Variants in CDHR1 observed in about 807,000 individuals in gnomAD.
CDHR1 encodes cadherin related family member 1.
A neutral mutation model predicts 72.1 loss-of-function variants in CDHR1; 61 were observed. The ratio of observed to expected loss-of-function variants is 0.85; its 90% confidence interval spans 0.69 to 1.05. The LOEUF (loss-of-function observed/expected upper bound fraction) is 1.05, where lower values mean the gene tolerates loss of function less well. CDHR1 is among the 50% of genes least tolerant of loss of function. The probability of loss-of-function intolerance (pLI) is 0.00; values close to 1 mark genes in which losing one functional copy is unlikely to be tolerated. For missense variants in CDHR1, 1,186 were observed against 1,115.7 expected (o/e 1.06, Z -0.90); for synonymous variants, 470 against 448.1 (o/e 1.05, Z -0.62).
chr10:84,216,088 T>A lies in CDHR1; in HGVS notation c.*1467T>A, dbSNP rs4933979. The A allele has an allele frequency of 1.2e-3, 1,158 of 985,408 alleles. 1 individual carries two copies. Among genetic ancestry groups the A allele is most frequent in the Admixed American group, 1.8e-3 (29 of 16,282 alleles). The allele number at this position is 985,408 out of a possible 1,614,324, so 61.0% of individuals were successfully genotyped here. A position where few individuals can be genotyped will look rare whatever the true frequency, so the allele number is the denominator to read the frequency against. ...GGCCTCTGGGGTTAATACAAATAGG[T>A]TGTGCCCTGCTTTAAGGAACCTGCT... On this transcript the variant is annotated 3_prime_UTR_variant, in exon 17 of 17. Coordinates refer to ENST00000623527, the MANE Select transcript of CDHR1 (RefSeq NM_033100.4).
chr10:84,214,723 C>T lies in CDHR1; in HGVS notation c.*102C>T. On this transcript the variant is annotated 3_prime_UTR_variant, in exon 17 of 17. Transcript: ENST00000623527. ...CTCTGCTCCTTAAGGTCACTGACCC[C>T]TGTTTTGCACAATGGTATAATCCCC... 1 of 1,582,070 alleles carries T rather than the reference C, an allele frequency of 6.3e-7. No homozygotes were observed. The highest frequency in any genetic ancestry group is 8.5e-7 in the Non-Finnish European group (1 of 1,171,496).
intron 10 of CDHR1, 25 bp downstream of exon 10, chr10:84,205,952 C>T (rs916669767): frequency 6.4e-7 from 1 of 1,559,022 alleles, no homozygotes; most frequent in South Asian, 1.1e-5. Context: ...GCTTTGTCTT[C>T]CCTGCCCACC....
rs1012258099 is a variant in CDHR1 at position 84,195,411 on chromosome 10, G to A, written c.56-83G>A. ...CCTGCCCAGTAGCTGGGCCTGACGC[G>A]GGACCGCGCTGGTGCGAAGCTCCCT... On this transcript the variant is annotated intron_variant, in intron 1 of 16. Transcript: ENST00000623527. The A allele has an allele frequency of 8.5e-6, 11 of 1,299,422 alleles. No homozygotes were observed. The African/African-American group carries it at 1.3e-4, about 16-fold the overall frequency. 80.5% of individuals were successfully genotyped at this position (1,299,422 alleles called of 1,614,324 possible). A position where few individuals can be genotyped will look rare whatever the true frequency, so the allele number is the denominator to read the frequency against.
At chr10:84,219,179 G>C (rs202193542), downstream of CDHR1, 2 of 1,550,556 alleles carry the variant, frequency 1.3e-6, no homozygotes, top group South Asian at 1.2e-5. Context: ...TCCAGCCAGG[G>C]TCTGTTCTTG....
chr10:84,210,722 T>C (rs1842313352), intron 12 of CDHR1, among the ~76,000 whole-genome samples: 1 of 152,126 alleles, frequency 6.6e-6, no homozygotes, highest in Non-Finnish European at 1.5e-5. Flanking sequence ...GTTAAGACAA[T>C]TGGAACTGGA....
chr10:84,205,868 A>C lies in CDHR1; in HGVS notation c.904A>C (p.Ile302Leu). 6.2e-7 allele frequency: 1 copy of C among 1,614,096 alleles called. No individual in the cohort carries two copies. Among genetic ancestry groups the C allele is most frequent in the Non-Finnish European group, 8.5e-7 (1 of 1,179,988 alleles). The change falls in exon 10 of 17, where the codon ATC (isoleucine) becomes CTC (leucine). Residue 302 changes from isoleucine to leucine, a missense_variant. Transcript: ENST00000623527. ...AFEINETSGAISITQSPAQLQ... is the reference protein window; with the variant it reads ...AFEINETSGALSITQSPAQLQ... ...TGAAATTAATGAGACATCTGGAGCC[A>C]TCTCCATCACTCAGAGCCCGGCCCA...
At position 84,195,631 on chromosome 10, in the gene CDHR1, G is replaced by A. The variant is rs372249307; in HGVS notation, c.151+42G>A. On this transcript the variant is annotated intron_variant, in intron 2 of 16. Coordinates refer to ENST00000623527, the MANE Select transcript of CDHR1 (RefSeq NM_033100.4). ...CCTGCTCCCGATAGGTCTCCCTGAGGGGTGCAGGCAGACTTAGAACACAAA... is the reference window on the plus strand; with the variant it reads ...CCTGCTCCCGATAGGTCTCCCTGAGAGGTGCAGGCAGACTTAGAACACAAA... The A allele has an allele frequency of 2.6e-6, 4 of 1,540,324 alleles. No individual in the cohort carries two copies. The Admixed American group carries it at 5.1e-5, about 20-fold the overall frequency.
intron 3 of CDHR1, 44 bp from the exon 4 acceptor site, chr10:84,197,742 C>G: frequency 1.3e-6 from 2 of 1,573,500 alleles, no homozygotes; most frequent in Non-Finnish European, 1.7e-6. Context: ...GGTCCTATGG[C>G]GTGTCAGACT....
At position 84,217,457 on chromosome 10, in the gene CDHR1, G is replaced by T; in HGVS notation, c.*2836G>T. ...GTCCTTTACAGTTTGACAGCCCTAG[G>T]TCTGAATTCTGGTTCTGCCATTAAT... On this transcript the variant is annotated 3_prime_UTR_variant, in exon 17 of 17. Coordinates refer to ENST00000623527, the MANE Select transcript of CDHR1 (RefSeq NM_033100.4). The T allele has an allele frequency of 4.1e-6, 4 of 983,976 alleles. No homozygotes were observed. 61.0% of individuals were successfully genotyped at this position (983,976 alleles called of 1,614,324 possible).
At chr10:84,204,147 C>T (rs1000243263) in intron 8 of CDHR1, among the ~76,000 whole-genome samples, 2 of 152,164 alleles carry the variant, frequency 1.3e-5, no homozygotes, top group African/African-American at 4.8e-5. Context: ...CCTTCATGCA[C>T]CTCTGGGGTG....
At chr10:84,202,426 C>A (rs1239262926) in intron 7 of CDHR1, among the ~76,000 whole-genome samples, 3 of 152,206 alleles carry the variant, frequency 2.0e-5, no homozygotes, top group Non-Finnish European at 4.4e-5. Context: ...GAGCGCAAAA[C>A]CCTAGCAGCC....
At chr10:84,205,770 TC>T in intron 9 of CDHR1, 56 bp from the exon 10 acceptor site, 1 of 1,197,886 alleles carries the variant, frequency 8.3e-7, no homozygotes, top group Non-Finnish European at 1.2e-6. Context: ...GTGGCACGAC[TC>T]CCCTGCGCCT....
At position 84,195,556 on chromosome 10, in the gene CDHR1, G is replaced by C; in HGVS notation, c.118G>C (p.Ala40Pro). 6.2e-7 allele frequency: 1 copy of C among 1,614,162 alleles called. No individual in the cohort carries two copies. Among genetic ancestry groups the C allele is most frequent in the South Asian group, 1.1e-5 (1 of 91,072 alleles). Residue 40 changes from alanine to proline, a missense_variant, in exon 2 of 17, where the codon GCT (alanine) becomes CCT (proline). Transcript: ENST00000623527. ...NGVGSTNGNM[A>P]LFSLPEDTPV... is the part of the protein sequence containing the mutation. ...GGTCGGCAGCACCAACGGAAACATG[G>C]CTCTGTTCAGCCTCCCAGAGGACAC...
Position 84,218,679 on chromosome 10 carries a change from A to G in CDHR1, c.*4058A>G, listed in dbSNP as rs2132846652. ...TAAACTCTAAATAAATAAGCTTCTCAAGGGCATGACAACTATATCGGAAAC... is the reference window on the plus strand; with the variant it reads ...TAAACTCTAAATAAATAAGCTTCTCGAGGGCATGACAACTATATCGGAAAC... On this transcript the variant is annotated 3_prime_UTR_variant, in exon 17 of 17. Transcript: ENST00000623527. 1.0e-6 allele frequency: 1 copy of G among 986,852 alleles called. No individual in the cohort carries two copies. The highest frequency in any genetic ancestry group is 1.2e-6 in the Non-Finnish European group (1 of 830,866). 61.1% of individuals were successfully genotyped at this position (986,852 alleles called of 1,614,324 possible).
rs759209494 is a variant in CDHR1, at chr10:84,211,703, C to T, written c.1541C>T (p.Thr514Ile). The T allele has an allele frequency of 3.0e-5, 48 of 1,613,712 alleles. No homozygotes were observed. Among genetic ancestry groups the T allele is most frequent in the Non-Finnish European group, 3.8e-5 (45 of 1,179,710 alleles). ...GAAGTGAAATATTCCACCTATGGGACTGGGGCAGACCTGTAAGTAGATCCA... is the reference window on the plus strand; with the variant it reads ...GAAGTGAAATATTCCACCTATGGGATTGGGGCAGACCTGTAAGTAGATCCA... ...WGEVKYSTYG[T>I]GADLFLIHPS... The change falls in exon 14 of 17, where the codon ACT (threonine) becomes ATT (isoleucine). Residue 514 changes from threonine (T) to isoleucine (I), a missense_variant. Transcript: ENST00000623527.
At chr10:84,198,635 C>T (rs1434259286) in intron 4 of CDHR1, among the ~76,000 whole-genome samples, 1 of 152,234 alleles carries the variant, frequency 6.6e-6, no homozygotes. Context: ...CAGGAACTCT[C>T]AACCCCATCG....
chr10:84,210,948 C>T, intron 12 of CDHR1, 53 bp from the exon 13 acceptor site: 1 of 1,596,082 alleles, frequency 6.3e-7, no homozygotes, highest in Non-Finnish European at 8.6e-7. Context: ...TGGGAAGGCT[C>T]TCTGCAGCAT....
chr10:84,212,780 A>T (rs1190639095), intron 15 of CDHR1: 3 of 534,378 alleles, frequency 5.6e-6, no homozygotes, highest in East Asian at 3.4e-5. Context: ...TCCCTTTCTT[A>T]TACCTCTGCA....
intron 1 of CDHR1, 145 bp downstream of exon 1, chr10:84,194,960 T>A (rs1407474293): frequency 4.7e-6 from 4 of 844,524 alleles, no homozygotes; most frequent in East Asian, 5.3e-5. Flanking sequence ...AGTCCTTCCA[T>A]CTTCCTGGCC....
Sources: gnomAD v4.1 joint callset for allele counts (sites outside exome capture counted in the v4.1 genomes callset) on GRCh38, gnomAD v4.1.1 for gene constraint, MANE v1.5 for transcripts, NCBI Gene and HGNC (gene_info 2026-07-23, HGNC 2026-07-21) for gene names.